TMEM232: variants seen among roughly 807,000 people sequenced by gnomAD.
TMEM232 encodes transmembrane protein 232.
A neutral mutation model predicts 78.8 loss-of-function variants in TMEM232; 80 were observed. The ratio of observed to expected loss-of-function variants is 1.01; its 90% CI spans 0.85 to 1.22. The LOEUF (loss-of-function observed/expected upper bound fraction) is 1.22. Among genes scored for constraint, TMEM232 ranks in the 50% most tolerant of loss-of-function variants. TMEM232 has a pLI of 0.00. For synonymous variants in TMEM232, 297 were observed against 254.3 expected, an observed-to-expected ratio of 1.17 and a Z score of -1.60; for missense variants, 881 against 742.2, an observed-to-expected ratio of 1.19 and a Z score of -2.17.
chr5:110,406,849 G>A (rs899719401), intron 2 of TMEM232, among the ~76,000 whole-genome samples: 32 of 152,190 alleles, frequency 2.1e-4, no homozygotes, highest in African/African-American at 7.2e-4. Context: ...TGGAAATGAG[G>A]TTAGATTGTA....
chr5:110,527,813 T>TA (rs1770813119), intron 12 of TMEM232, among the ~76,000 whole-genome samples: 1 of 151,930 alleles, frequency 6.6e-6, no homozygotes, highest in African/African-American at 2.4e-5. Flanking sequence ...AGTAAATGTA[T>TA]TAAAATTACT....
chr5:110,580,915 T>C (rs1778135419), intron 10 of TMEM232, among the ~76,000 whole-genome samples: 1 of 151,548 alleles, frequency 6.6e-6, no homozygotes, highest in East Asian at 1.9e-4. Flanking sequence ...CCATTTACAA[T>C]AGCCACAAAG....
chr5:110,582,468 C>T (rs774981308), intron 10 of TMEM232, among the ~76,000 whole-genome samples: 7 of 151,788 alleles, frequency 4.6e-5, no homozygotes, highest in East Asian at 3.9e-4. Flanking sequence ...TGAGTACACA[C>T]GGACATAAAG....
chr5:110,455,680 T>C (rs1335023788), intron 12 of TMEM232, among the ~76,000 whole-genome samples: 1 of 152,240 alleles, frequency 6.6e-6, no homozygotes, highest in South Asian at 2.1e-4. Context: ...ACCCGGCCCA[T>C]GTAGATATAA....
At chr5:110,464,258 A>G (rs756780149) in intron 12 of TMEM232, among the ~76,000 whole-genome samples, 6 of 152,204 alleles carry the variant, frequency 3.9e-5, no homozygotes, top group South Asian at 2.1e-4. Context: ...TAGATATTTA[A>G]TATTTATCAA....
chr5:110,605,511 T>A (rs1453072507), intron 9 of TMEM232, among the ~76,000 whole-genome samples, 153 bp from the exon 10 acceptor site: 1 of 152,144 alleles, frequency 6.6e-6, no homozygotes, highest in Non-Finnish European at 1.5e-5. Context: ...GTAGACTGCA[T>A]AAAATACAGT....
chr5:110,692,622 G>A (rs752068893), intron 1 of TMEM232, among the ~76,000 whole-genome samples: 8 of 152,188 alleles, frequency 5.3e-5, no homozygotes, highest in Admixed American at 2.0e-4. Flanking sequence ...CTTTTCCAAC[G>A]GGCTTAACAA....
chr5:110,432,767 G>T (rs1373298719), intron 12 of TMEM232, among the ~76,000 whole-genome samples: 2 of 151,502 alleles, frequency 1.3e-5, no homozygotes, highest in Admixed American at 1.3e-4. Context: ...GATATGCATG[G>T]GTTCAAAGTA....
rs146503012 is a variant in TMEM232, at chr5:110,455,259, T to A, written c.1704-30343A>T. On this transcript the variant is annotated intron_variant, in intron 12 of 13. Transcript: ENST00000455884. ...TAATGCCAATTTTACAAAATCTCCATGAAAGTAACATTTCGCAATTCATCT... is the reference window on the plus strand; with the variant it reads ...TAATGCCAATTTTACAAAATCTCCAAGAAAGTAACATTTCGCAATTCATCT... Among the ~76,000 whole-genome samples the A allele has an allele frequency of 2.4e-3, 370 of 152,256 alleles. 1 individual carries two copies. Among genetic ancestry groups the A allele is most frequent in the Middle Eastern group, 0.01 (3 of 294 alleles).
Position 110,590,362 on chromosome 5 carries a change from T to C in TMEM232, c.1276+14747A>G, listed in dbSNP as rs182529857. Among the ~76,000 whole-genome samples the C allele has an allele frequency of 1.4e-3, 207 of 152,178 alleles. 1 individual carries two copies. The highest frequency in any genetic ancestry group is 2.4e-3 in the Non-Finnish European group (160 of 68,016). Reference sequence around the variant, plus strand: ...TCCTGTTAGGAATTGGGCCATACAATAGGAGATGAATGGCCAGTGAGTGAA... The same window carrying C: ...TCCTGTTAGGAATTGGGCCATACAACAGGAGATGAATGGCCAGTGAGTGAA... On this transcript the variant is annotated intron_variant, in intron 10 of 13. Transcript: ENST00000455884.
chr5:110,500,288 C>CAAAAAAAAAAA (rs773716425), intron 12 of TMEM232, among the ~76,000 whole-genome samples: 1 of 70,722 alleles, frequency 1.4e-5, no homozygotes, highest in African/African-American at 5.2e-5. Context: ...GACTCTGTCT[C>CAAAAAAAAAAA]AAAAAAAAAA....
chr5:110,622,527 T>A (rs1352830963), intron 7 of TMEM232, among the ~76,000 whole-genome samples: 2 of 152,138 alleles, frequency 1.3e-5, no homozygotes, highest in African/African-American at 2.4e-5. Flanking sequence ...GAACTCATCA[T>A]TTTTTATGGC....
intron 1 of TMEM232, among the ~76,000 whole-genome samples, chr5:110,714,296 C>A (rs963685423): frequency 6.6e-6 from 1 of 152,158 alleles, no homozygotes; most frequent in African/African-American, 2.4e-5. Flanking sequence ...ACTAGGACAC[C>A]TATATGCTCA....
intron 12 of TMEM232, among the ~76,000 whole-genome samples, chr5:110,496,126 G>C (rs559154831): frequency 3.9e-5 from 6 of 151,908 alleles, no homozygotes; most frequent in South Asian, 4.2e-4. Flanking sequence ...TAGAGGTTTT[G>C]TTAATGAATT....
chr5:110,534,548 G>A (rs1251746297), intron 11 of TMEM232, among the ~76,000 whole-genome samples: 1 of 152,004 alleles, frequency 6.6e-6, no homozygotes, highest in Non-Finnish European at 1.5e-5. Flanking sequence ...CTTAGACTGT[G>A]CCCCAAAAAA....
intron 5 of TMEM232, among the ~76,000 whole-genome samples, chr5:110,636,645 A>G (rs1336957578): frequency 6.6e-6 from 1 of 152,062 alleles, no homozygotes; most frequent in Non-Finnish European, 1.5e-5. Context: ...CTGTAGCCAC[A>G]TTGAATATCA....
At chr5:110,477,859 T>G (rs1763425394) in intron 12 of TMEM232, among the ~76,000 whole-genome samples, 1 of 149,112 alleles carries the variant, frequency 6.7e-6, no homozygotes, top group South Asian at 2.1e-4. Context: ...ACTCTGAAAA[T>G]GTAAGTTTTG....
At chr5:110,503,086 A>G (rs1766451691) in intron 12 of TMEM232, among the ~76,000 whole-genome samples, 1 of 151,184 alleles carries the variant, frequency 6.6e-6, no homozygotes, top group Non-Finnish European at 1.5e-5. Flanking sequence ...CCTAGCCTAC[A>G]GAAGAGATTT....
chr5:110,629,777 T>C (rs541197201), intron 5 of TMEM232, among the ~76,000 whole-genome samples: 1 of 152,332 alleles, frequency 6.6e-6, no homozygotes, highest in East Asian at 1.9e-4. Context: ...TCACTGCATA[T>C]GTTTCTATCT....
Sources: gnomAD v4.1 joint callset for allele counts (sites outside exome capture counted in the v4.1 genomes callset) on GRCh38, gnomAD v4.1.1 for gene constraint, MANE v1.5 for transcripts, NCBI Gene and HGNC (gene_info 2026-07-23, HGNC 2026-07-21) for gene names.